Variants in ANKRD18B observed in about 807,000 individuals in gnomAD.
ANKRD18B encodes the protein ankyrin repeat domain 18B, also known as ankyrin repeat domain-containing protein 18B.
In ANKRD18B, 75 loss-of-function variants were observed where a neutral mutation model predicts 111.8. That is an observed-to-expected ratio of 0.67 (90% CI 0.56 to 0.81). The LOEUF (loss-of-function observed/expected upper bound fraction) is 0.81. Among genes scored for constraint, ANKRD18B ranks in the 40% least tolerant of loss-of-function variants. The pLI is 0.00. For synonymous variants in ANKRD18B, 356 were observed against 417.3 expected, an observed-to-expected ratio of 0.85 and a Z score of 1.79; for missense variants, 1,038 against 1,225.5, an observed-to-expected ratio of 0.85 and a Z score of 2.28.
At chr9:33,564,710 TTG>T (rs1485789494) in intron 14 of ANKRD18B, among the ~76,000 whole-genome samples, 1 of 152,196 alleles carries the variant, frequency 6.6e-6, no homozygotes, top group Non-Finnish European at 1.5e-5. Flanking sequence ...GCACTTTTTT[TTG>T]TGTTTTCTAT....
Position 33,566,519 on chromosome 9 carries a change from G to T in ANKRD18B, c.2742+19G>T. The T allele has an allele frequency of 1.9e-6, 3 of 1,599,296 alleles. No individual in the cohort carries two copies. The highest frequency in any genetic ancestry group is 2.6e-6 in the Non-Finnish European group (3 of 1,176,298). On this transcript the variant is annotated intron_variant, in intron 15 of 18. Coordinates refer to ENST00000684830, the MANE Select transcript of ANKRD18B (RefSeq NM_001393611.1). ...TTTACAGGTTAGTTTTTAAAATCAG[G>T]TAAGTTTATCTGTAATGGGCTTTCA...
At chr9:33,541,040 G>A in intron 8 of ANKRD18B, 107 bp from the exon 9 acceptor site, 2 of 1,366,148 alleles carry the variant, frequency 1.5e-6, no homozygotes, top group South Asian at 1.4e-5. Flanking sequence ...CTTCTAATGG[G>A]TAGGATTTAG....
At position 33,548,027 on chromosome 9, in the gene ANKRD18B, T is replaced by C; in HGVS notation, c.1239T>C (p.Tyr413=). 2 of 1,528,798 alleles carry C rather than the reference T, an allele frequency of 1.3e-6. No homozygotes were observed. Among genetic ancestry groups the C allele is most frequent in the Non-Finnish European group, 1.8e-6 (2 of 1,140,208 alleles). The allele number at this position is 1,528,798 out of a possible 1,614,324, so 94.7% of individuals were successfully genotyped here. A position where few individuals can be genotyped will look rare whatever the true frequency, so the allele number is the denominator to read the frequency against. Reference sequence around the variant, plus strand: ...TTGCCATGCTCAAAGAGGAATTATATGCAATAAAAAATGACAGTCTCAGAA... The same window carrying C: ...TTGCCATGCTCAAAGAGGAATTATACGCAATAAAAAATGACAGTCTCAGAA... The part of the protein sequence containing the change: ...RDIAMLKEEL[Y]AIKNDSLRKE... The change falls in exon 11 of 19, where the codon TAT becomes TAC. Residue 413 remains tyrosine, a synonymous_variant. Coordinates refer to ENST00000684830, the MANE Select transcript of ANKRD18B (RefSeq NM_001393611.1).
chr9:33,553,385 A>G (rs1363393693), intron 12 of ANKRD18B, among the ~76,000 whole-genome samples: 2 of 152,132 alleles, frequency 1.3e-5, no homozygotes, highest in African/African-American at 4.8e-5. Flanking sequence ...AACGTTTTGT[A>G]TAGATTCCCA....
At chr9:33,545,902 T>C (rs1403838190) in intron 10 of ANKRD18B, among the ~76,000 whole-genome samples, 1 of 152,214 alleles carries the variant, frequency 6.6e-6, no homozygotes, top group Non-Finnish European at 1.5e-5. Flanking sequence ...TGTGTAATTA[T>C]GTGTCAAAGT....
chr9:33,564,888 A>C lies in ANKRD18B; in HGVS notation c.2461-1331A>C, dbSNP rs1828663093. Among the ~76,000 whole-genome samples the C allele has an allele frequency of 3.3e-5, 5 of 151,970 alleles. 1 individual carries two copies. The South Asian group carries it at 1.0e-3, about 32-fold the overall frequency. On this transcript the variant is annotated intron_variant, in intron 14 of 18. Coordinates refer to ENST00000684830, the MANE Select transcript of ANKRD18B (RefSeq NM_001393611.1). The stretch of plus-strand genomic sequence containing the variant: ...AAATATCTAATCAGATCTTTTGCCT[A>C]GTTTTGAACTCAGATTATTTTTGTT...
intron 18 of ANKRD18B, chr9:33,571,798 C>T (rs1392004474): frequency 6.4e-6 from 1 of 155,052 alleles, no homozygotes; most frequent in East Asian, 1.9e-4. Context: ...TCTTTGTTAC[C>T]TCAGGATCTT....
intron 14 of ANKRD18B, among the ~76,000 whole-genome samples, chr9:33,560,210 A>G (rs1300896021): frequency 1.3e-5 from 2 of 152,238 alleles, no homozygotes; most frequent in Non-Finnish European, 2.9e-5. Context: ...TGAGAAGGAC[A>G]GAATTTATTA....
At position 33,535,792 on chromosome 9, in the gene ANKRD18B, AATT is replaced by A. The variant is rs976626492; in HGVS notation, c.741-1080_741-1078del. The stretch of plus-strand genomic sequence containing the variant: ...TATTATCATTATAAATATTATATAT[AATT>A]ATTATAGATTATATAATCTATATAT... On this transcript the variant is annotated intron_variant, in intron 5 of 18. Transcript: ENST00000684830. Among the ~76,000 whole-genome samples, 397 of 144,972 alleles carry A rather than the reference AATT, an allele frequency of 2.7e-3. 3 individuals carry two copies. Among genetic ancestry groups the A allele is most frequent in the African/African-American group, 9.6e-3 (383 of 39,946 alleles).
chr9:33,566,898 T>G (rs1828693938), intron 15 of ANKRD18B: 3 of 551,944 alleles, frequency 5.4e-6, no homozygotes, highest in South Asian at 5.3e-5. Context: ...ACTAACATAA[T>G]TATGATTCCA....
rs1828771753 is a variant in ANKRD18B, at chr9:33,571,255, GA to G, written c.3188del (p.Asp1063AlafsTer6). The G allele has an allele frequency of 8.8e-7, 1 of 1,135,720 alleles. No homozygotes were observed. Among genetic ancestry groups the G allele is most frequent in the African/African-American group, 1.7e-5 (1 of 59,602 alleles). The allele number at this position is 1,135,720 out of a possible 1,614,324, so 70.4% of individuals were successfully genotyped here. ...TTTTTACTTATTTTAGATGGAGCTG[GA>G]CTGTGCAGAACAAATAATTACAGAA... ...CKNSLTEMELDCAEQIITETK... is the reference protein window; with the variant it reads ...CKNSLTEMELXCAEQIITETK... On this transcript the variant is annotated frameshift_variant, in exon 18 of 19. Transcript: ENST00000684830. LOFTEE classifies it low-confidence loss of function (END_TRUNC).
At chr9:33,554,124 C>G (rs2477415) in intron 12 of ANKRD18B, among the ~76,000 whole-genome samples, 1 of 125,152 alleles carries the variant, frequency 8.0e-6, no homozygotes, top group Non-Finnish European at 1.7e-5. Flanking sequence ...ATATACTGGC[C>G]CAAAAAAGAA....
At chr9:33,570,105 A>G (rs1346121072) in intron 17 of ANKRD18B, among the ~76,000 whole-genome samples, 1 of 152,258 alleles carries the variant, frequency 6.6e-6, no homozygotes, top group Non-Finnish European at 1.5e-5. Context: ...CATATATACC[A>G]AATACTATGC....
rs1325892664 is a variant in ANKRD18B at position 33,539,630 on chromosome 9, C to T, written c.862+128C>T. ...TAGTTATTATTTATTATACTTAGTA[C>T]GTGTCAGTGAAGGCAAGCTTAGGAA... On this transcript the variant is annotated intron_variant, in intron 7 of 18. Coordinates refer to ENST00000684830, the MANE Select transcript of ANKRD18B (RefSeq NM_001393611.1). The T allele has an allele frequency of 3.3e-5, 5 of 152,672 alleles. No homozygotes were observed. The East Asian group carries it at 5.8e-4, about 18-fold the overall frequency. The allele number at this position is 152,672 out of a possible 1,614,324, so 9.5% of individuals were successfully genotyped here.
intron 11 of ANKRD18B, among the ~76,000 whole-genome samples, chr9:33,550,190 G>A (rs1337028768): frequency 2.0e-5 from 3 of 152,160 alleles, no homozygotes; most frequent in Non-Finnish European, 2.9e-5. Flanking sequence ...GAGGGTCTAA[G>A]GTGAATGAAT....
At chr9:33,553,424 A>G (rs1828475903) in intron 12 of ANKRD18B, among the ~76,000 whole-genome samples, 1 of 152,304 alleles carries the variant, frequency 6.6e-6, no homozygotes, top group East Asian at 1.9e-4. Flanking sequence ...CAGGCATAGG[A>G]TTATTAGCCA....
downstream of ANKRD18B, among the ~76,000 whole-genome samples, chr9:33,574,902 C>T (rs1828838923): frequency 6.6e-6 from 1 of 152,166 alleles, no homozygotes; most frequent in East Asian, 1.9e-4. Flanking sequence ...TCCCCATCGC[C>T]TCTGTGTTTT....
intron 3 of ANKRD18B, among the ~76,000 whole-genome samples, chr9:33,530,404 G>A (rs2477408): frequency 1.3e-5 from 2 of 151,722 alleles, no homozygotes; most frequent in Admixed American, 6.6e-5. Context: ...CTAGGAGTTT[G>A]AGTCCAGCCT....
chr9:33,559,993 C>A (rs547084274), intron 14 of ANKRD18B, among the ~76,000 whole-genome samples: 1 of 152,212 alleles, frequency 6.6e-6, no homozygotes, highest in Non-Finnish European at 1.5e-5. Flanking sequence ...GGGAACCACC[C>A]ACCTTCTTCG....
Sources: allele counts gnomAD v4.1 joint callset (sites outside exome capture counted in the v4.1 genomes callset), GRCh38; gene constraint gnomAD v4.1.1; transcripts MANE v1.5; gene names NCBI Gene and HGNC (gene_info 2026-07-23, HGNC 2026-07-21).